The following SNTG1 variants were observed in gnomAD, a reference collection of about 807,000 sequenced individuals.
SNTG1 encodes the protein syntrophin gamma 1.
A neutral mutation model predicts 74.7 loss-of-function variants in SNTG1; 39 were observed. The observed-to-expected ratio is 0.52, with a 90% confidence interval of 0.40 to 0.68. The LOEUF (loss-of-function observed/expected upper bound fraction) is 0.68. Among genes scored for constraint, SNTG1 ranks in the 30% least tolerant of loss-of-function variants. The pLI is 0.00. For synonymous variants in SNTG1, 254 were observed against 217.1 expected (o/e 1.17, Z -1.49); for missense variants, 685 against 609.5 (o/e 1.12, Z -1.30).
At chr8:50,687,508 A>T (rs2095357842) in intron 15 of SNTG1, among the ~76,000 whole-genome samples, 1 of 152,262 alleles carries the variant, frequency 6.6e-6, no homozygotes, top group Non-Finnish European at 1.5e-5. Context: ...AACAAAGCAG[A>T]TGCTGAATCA....
intron 13 of SNTG1, among the ~76,000 whole-genome samples, chr8:50,611,462 T>G (rs2094849360): frequency 6.6e-6 from 1 of 152,198 alleles, no homozygotes; most frequent in Non-Finnish European, 1.5e-5. Context: ...TACCATCATA[T>G]TTGATTGTTT....
At chr8:50,487,891 C>G (rs1295887888) in intron 8 of SNTG1, among the ~76,000 whole-genome samples, 1 of 151,600 alleles carries the variant, frequency 6.6e-6, no homozygotes. Context: ...GCTTTATCAA[C>G]TTTATTTCTT....
At chr8:50,712,097 T>C (rs768086917) in intron 17 of SNTG1, among the ~76,000 whole-genome samples, 11 of 152,198 alleles carry the variant, frequency 7.2e-5, no homozygotes, top group Non-Finnish European at 1.6e-4. Context: ...ATTTAATTTG[T>C]GAATAAATCT....
At chr8:50,420,438 A>C (rs2093068012) in intron 4 of SNTG1, among the ~76,000 whole-genome samples, 1 of 152,168 alleles carries the variant, frequency 6.6e-6, no homozygotes, top group South Asian at 2.1e-4. Flanking sequence ...CACATCCTCC[A>C]GGAATCAAGA....
chr8:50,100,047 G>A (rs2080066826), intron 1 of SNTG1, among the ~76,000 whole-genome samples: 1 of 151,920 alleles, frequency 6.6e-6, no homozygotes, highest in African/African-American at 2.4e-5. Flanking sequence ...CAATGCAAAT[G>A]TGGTGTACAT....
At chr8:50,274,999 T>A (rs527420307) in intron 2 of SNTG1, among the ~76,000 whole-genome samples, 25 of 152,322 alleles carry the variant, frequency 1.6e-4, no homozygotes, top group African/African-American at 4.8e-4. Flanking sequence ...ACTTCTCACC[T>A]ATATTTATAA....
intron 2 of SNTG1, among the ~76,000 whole-genome samples, chr8:50,272,038 A>T (rs2087811337): frequency 6.6e-6 from 1 of 152,092 alleles, no homozygotes; most frequent in Non-Finnish European, 1.5e-5. Context: ...CTCACCAGAT[A>T]TCGAATCTGC....
chr8:50,376,160 C>A (rs2092374936), intron 2 of SNTG1, among the ~76,000 whole-genome samples: 1 of 152,150 alleles, frequency 6.6e-6, no homozygotes. Context: ...GCGTCTGCTG[C>A]ACCATAATTG....
chr8:50,375,805 A>G (rs980641576), intron 2 of SNTG1, among the ~76,000 whole-genome samples: 10 of 152,180 alleles, frequency 6.6e-5, no homozygotes, highest in Admixed American at 3.9e-4. Flanking sequence ...TATTACATGT[A>G]TGTTTTATAT....
intron 8 of SNTG1, among the ~76,000 whole-genome samples, chr8:50,499,042 A>G (rs1469029005): frequency 2.0e-5 from 3 of 151,786 alleles, no homozygotes; most frequent in African/African-American, 7.2e-5. Context: ...TTAAAATCAA[A>G]CGATGTTGGT....
chr8:50,595,444 C>T (rs2130899131), intron 13 of SNTG1, among the ~76,000 whole-genome samples: 1 of 152,090 alleles, frequency 6.6e-6, no homozygotes, highest in South Asian at 2.1e-4. Flanking sequence ...AAGGAGCCCA[C>T]ACCTAATTAT....
intron 1 of SNTG1, among the ~76,000 whole-genome samples, chr8:50,054,991 A>T (rs1819903092): frequency 6.6e-6 from 1 of 151,910 alleles, no homozygotes; most frequent in African/African-American, 2.4e-5. Flanking sequence ...TAGGCCTTCA[A>T]TTTTTTTTAA....
rs1233703899 is a variant in SNTG1 at position 50,731,593 on chromosome 8, A to T, written c.1285-20408A>T. On this transcript the variant is annotated intron_variant, in intron 17 of 18. Coordinates refer to ENST00000642720, the MANE Select transcript of SNTG1 (RefSeq NM_018967.5). ...CCATCCCACTCTACACGTACTTCTA[A>T]CAGCTTACTCAACACTCTCCTGTCT... 2.0e-5 allele frequency among the ~76,000 whole-genome samples: 3 copies of T among 152,036 alleles called. No homozygotes were observed. In the East Asian group the frequency reaches 5.8e-4, roughly 29 times the overall value.
intron 1 of SNTG1, among the ~76,000 whole-genome samples, chr8:49,980,270 T>G (rs1326156961): frequency 1.3e-5 from 2 of 152,154 alleles, no homozygotes; most frequent in Non-Finnish European, 2.9e-5. Flanking sequence ...ATAGCCTGCT[T>G]GACGTTGTAA....
intron 15 of SNTG1, among the ~76,000 whole-genome samples, chr8:50,686,928 G>A (rs191658565): frequency 0.016 from 2,399 of 151,666 alleles, 36 homozygotes; most frequent in Middle Eastern, 0.037. Flanking sequence ...GAGGTCAGGA[G>A]ATCGAGACCA....
chr8:50,318,679 A>T (rs898314190), intron 2 of SNTG1, among the ~76,000 whole-genome samples: 1 of 152,170 alleles, frequency 6.6e-6, no homozygotes, highest in Non-Finnish European at 1.5e-5. Context: ...CTTTTCTGTC[A>T]ATTCCTGAAT....
chr8:50,000,555 T>C (rs1289103165), intron 1 of SNTG1, among the ~76,000 whole-genome samples: 1 of 152,196 alleles, frequency 6.6e-6, no homozygotes, highest in African/African-American at 2.4e-5. Context: ...GAATTAAACT[T>C]CAGTGCATAA....
At chr8:50,382,663 AT>A (rs2092508650) in intron 2 of SNTG1, among the ~76,000 whole-genome samples, 1 of 152,206 alleles carries the variant, frequency 6.6e-6, no homozygotes, top group African/African-American at 2.4e-5. Flanking sequence ...AAAAAGAAAT[AT>A]GCTCTTTTAG....
chr8:49,919,307 T>C (rs1806321124), intron 1 of SNTG1, among the ~76,000 whole-genome samples: 1 of 152,124 alleles, frequency 6.6e-6, no homozygotes, highest in Non-Finnish European at 1.5e-5. Context: ...AAAACCACAC[T>C]GATTGAGGGG....
Sources: allele counts gnomAD v4.1 joint callset (sites outside exome capture counted in the v4.1 genomes callset), GRCh38; gene constraint gnomAD v4.1.1; transcripts MANE v1.5; gene names NCBI Gene and HGNC (gene_info 2026-07-23, HGNC 2026-07-21).